Variants in UGT1A6 observed in about 807,000 individuals in gnomAD.
UGT1A6 encodes UDP glucuronosyltransferase family 1 member A6, also known as UDP-glucuronosyltransferase 1A6.
A neutral mutation model predicts 44.4 loss-of-function variants in UGT1A6; 32 were observed. The ratio of observed to expected loss-of-function variants is 0.72; its 90% CI spans 0.54 to 0.97. UGT1A6 has a LOEUF of 0.97. UGT1A6 is among the 50% of genes least tolerant of loss of function. The probability of loss-of-function intolerance (pLI) is 0.00; values close to 1 mark genes in which losing one functional copy is unlikely to be tolerated. For missense variants in UGT1A6, 685 were observed against 661.9 expected (o/e 1.03, Z -0.38); for synonymous variants, 238 against 248.5 (o/e 0.96, Z 0.40).
At chr2:233,713,488 C>G (rs758374226) in intron 1 of UGT1A6, 1 of 1,613,948 alleles carries the variant, frequency 6.2e-7, no homozygotes, top group South Asian at 1.1e-5. Context: ...AAGTACCTGT[C>G]GATTCCTGCT....
intron 1 of UGT1A6, among the ~76,000 whole-genome samples, chr2:233,731,635 T>C (rs2078185230): frequency 6.6e-6 from 1 of 152,238 alleles, no homozygotes; most frequent in Non-Finnish European, 1.5e-5. Flanking sequence ...TATGGCTGCA[T>C]AGTATTCCAT....
chr2:233,725,174 G>A (rs1352494338), intron 1 of UGT1A6, among the ~76,000 whole-genome samples: 3 of 99,246 alleles, frequency 3.0e-5, no homozygotes, highest in Admixed American at 1.8e-4. Flanking sequence ...GAGGGAGACC[G>A]TGGGGAGAGG....
Position 233,767,047 on chromosome 2 carries a change from A to G in UGT1A6, c.875A>G (p.Tyr292Cys). Residue 292 changes from tyrosine to cysteine, a missense_variant, in exon 2 of 5, where the codon TAC (tyrosine) becomes TGC (cysteine). Physicochemically the swap from Tyr to Cys is radical, Grantham distance 194. Coordinates refer to ENST00000305139, the MANE Select transcript of UGT1A6 (RefSeq NM_001072.4). The stretch of plus-strand genomic sequence containing the variant: ...TTCTGGCTCTAGGAATTTGAAGCCT[A>G]CATTAATGCTTCTGGAGAACATGGA... Reference protein sequence around the residue: ...RKDLSQEFEAYINASGEHGIV... With the variant: ...RKDLSQEFEACINASGEHGIV... The G allele has an allele frequency of 6.2e-7, 1 of 1,614,154 alleles. No homozygotes were observed. The highest frequency in any genetic ancestry group is 8.5e-7 in the Non-Finnish European group (1 of 1,180,014).
chr2:233,728,324 C>T (rs1309797848), intron 1 of UGT1A6, among the ~76,000 whole-genome samples: 1 of 152,194 alleles, frequency 6.6e-6, no homozygotes, highest in Non-Finnish European at 1.5e-5. Context: ...GGCCAGGCTC[C>T]AGCTCCCCCA....
chr2:233,711,268 G>A (rs1198771284), intron 1 of UGT1A6, among the ~76,000 whole-genome samples: 2 of 152,206 alleles, frequency 1.3e-5, no homozygotes, highest in Non-Finnish European at 2.9e-5. Flanking sequence ...CCTCCCCAGG[G>A]TCTAGGAGTC....
intron 1 of UGT1A6, among the ~76,000 whole-genome samples, chr2:233,752,104 T>G (rs2125914328): frequency 6.6e-6 from 1 of 152,238 alleles, no homozygotes; most frequent in East Asian, 1.9e-4. Flanking sequence ...GAAAGTAGAA[T>G]CAGAGGAGAA....
intron 1 of UGT1A6, chr2:233,742,040 A>G (rs1442889181): frequency 6.6e-6 from 1 of 151,948 alleles, no homozygotes; most frequent in Non-Finnish European, 1.5e-5. Context: ...TCCCAAGCAT[A>G]GCAATAGGAT....
chr2:233,701,069 A>G (rs1052712188), intron 1 of UGT1A6, among the ~76,000 whole-genome samples: 4 of 152,144 alleles, frequency 2.6e-5, no homozygotes, highest in African/African-American at 9.7e-5. Flanking sequence ...TTATGGCTGC[A>G]TAGTATTCCA....
chr2:233,738,229 G>GCTCC lies in UGT1A6; in HGVS notation c.862-28804_862-28803insTCCC, dbSNP rs56839564. ...CTGCCAGGATTATAAGTTTCCTGAGGCCCCTCCAGCCACATGGAACTGGAG... is the reference window on the plus strand; with the variant it reads ...CTGCCAGGATTATAAGTTTCCTGAGGCTCCCCCCTCCAGCCACATGGAACTGGAG... On this transcript the variant is annotated intron_variant, in intron 1 of 4. Transcript: ENST00000305139. Among the ~76,000 whole-genome samples, 1,480 of 152,188 alleles carry GCTCC rather than the reference G, an allele frequency of 9.7e-3. 33 individuals are homozygous for GCTCC. The highest frequency in any genetic ancestry group is 0.033 in the African/African-American group (1,389 of 41,506).
At chr2:233,730,669 A>T (rs1310479965) in intron 1 of UGT1A6, among the ~76,000 whole-genome samples, 1 of 152,122 alleles carries the variant, frequency 6.6e-6, no homozygotes, top group African/African-American at 2.4e-5. Flanking sequence ...CGGAAGGCAA[A>T]GTAATGGTTG....
chr2:233,746,004 G>A (rs1693275700), intron 1 of UGT1A6, among the ~76,000 whole-genome samples: 1 of 151,648 alleles, frequency 6.6e-6, no homozygotes, highest in Non-Finnish European at 1.5e-5. Context: ...GAGAGACAGT[G>A]GTAGAAACAT....
chr2:233,719,450 G>T, intron 1 of UGT1A6: 1 of 1,613,868 alleles, frequency 6.2e-7, no homozygotes, highest in Non-Finnish European at 8.5e-7. Flanking sequence ...TCCTGCAAAG[G>T]GTCAAGAACA....
At chr2:233,735,135 T>C (rs1287914959) in intron 1 of UGT1A6, among the ~76,000 whole-genome samples, 4 of 152,188 alleles carry the variant, frequency 2.6e-5, no homozygotes, top group Non-Finnish European at 4.4e-5. Flanking sequence ...CTCATTATTA[T>C]TGTGTGGGAG....
In UGT1A6 at chr2:233,705,303, G is replaced by A. The variant is rs115657033; in HGVS notation, c.861+11438G>A. On this transcript the variant is annotated intron_variant, in intron 1 of 4. Transcript: ENST00000305139. Reference sequence around the variant, plus strand: ...TGAAGAACTTCCTTTAGTATTTCTTGTAAGTTGAGTTTTTCAGCAACACAT... The same window carrying A: ...TGAAGAACTTCCTTTAGTATTTCTTATAAGTTGAGTTTTTCAGCAACACAT... Among the ~76,000 whole-genome samples the A allele has an allele frequency of 8.9e-3, 1,351 of 152,284 alleles. 24 individuals are homozygous for A. Among genetic ancestry groups the A allele is most frequent in the African/African-American group, 0.031 (1,281 of 41,548 alleles).
Position 233,773,207 on chromosome 2 carries a change from A to G in UGT1A6, c.*648A>G, listed in dbSNP as rs1436243452. On this transcript the variant is annotated 3_prime_UTR_variant, in exon 5 of 5. Coordinates refer to ENST00000305139, the MANE Select transcript of UGT1A6 (RefSeq NM_001072.4). ...TCAAATGGAGCTGAATTTGATAAAAACCCAAAATACAGCTATGAAGTGCTG... is the reference window on the plus strand; with the variant it reads ...TCAAATGGAGCTGAATTTGATAAAAGCCCAAAATACAGCTATGAAGTGCTG... 1 of 152,384 alleles carries G rather than the reference A, an allele frequency of 6.6e-6. No homozygotes were observed. The highest frequency in any genetic ancestry group is 2.4e-5 in the African/African-American group (1 of 41,416). The allele number at this position is 152,384 out of a possible 1,614,324, so 9.4% of individuals were successfully genotyped here. A position where few individuals can be genotyped will look rare whatever the true frequency, so the allele number is the denominator to read the frequency against.
chr2:233,694,608 C>A (rs546917039), intron 1 of UGT1A6, among the ~76,000 whole-genome samples: 2 of 152,332 alleles, frequency 1.3e-5, no homozygotes, highest in East Asian at 3.9e-4. Flanking sequence ...CTTCAGGCAA[C>A]TCCCTCTATC....
At chr2:233,729,140 T>C (rs764216877) in intron 1 of UGT1A6, 7 of 1,613,266 alleles carry the variant, frequency 4.3e-6, no homozygotes, top group East Asian at 2.2e-5. Context: ...GCCACAGGAC[T>C]CCAGGTTCCC....
chr2:233,761,574 C>T (rs1697805225), intron 1 of UGT1A6, among the ~76,000 whole-genome samples: 1 of 152,176 alleles, frequency 6.6e-6, no homozygotes, highest in Admixed American at 6.5e-5. Flanking sequence ...TGAAAGTTGC[C>T]TTTGTGACCC....
intron 1 of UGT1A6, among the ~76,000 whole-genome samples, chr2:233,715,455 G>C (rs2076453035): frequency 6.6e-6 from 1 of 151,790 alleles, no homozygotes; most frequent in African/African-American, 2.4e-5. Flanking sequence ...GTTATTTTTT[G>C]AATTCCCCAT....
Sources: gnomAD v4.1 joint callset for allele counts (sites outside exome capture counted in the v4.1 genomes callset) on GRCh38, gnomAD v4.1.1 for gene constraint, MANE v1.5 for transcripts, NCBI Gene and HGNC (gene_info 2026-07-23, HGNC 2026-07-21) for gene names.